The following IGSF11 variants were observed in gnomAD, a reference collection of about 807,000 sequenced individuals.
IGSF11 encodes CXADR like 1.
Under a neutral mutation model 41.0 loss-of-function variants are expected in IGSF11, and 22 were observed. The ratio of observed to expected loss-of-function variants is 0.54; its 90% CI spans 0.38 to 0.77. The LOEUF (loss-of-function observed/expected upper bound fraction) is 0.77. Among genes scored for constraint, IGSF11 ranks in the 30% least tolerant of loss-of-function variants. The pLI, the probability that IGSF11 is intolerant of heterozygous loss-of-function variation, is 0.00. For missense variants in IGSF11, 444 were observed against 530.8 expected (o/e 0.84, Z 1.61); for synonymous variants, 219 against 201.3 (o/e 1.09, Z -0.74).
chr3:119,094,223 TAAAAAAAAAAAAA>T (rs1175348778), intron 1 of IGSF11, among the ~76,000 whole-genome samples: 3 of 35,066 alleles, frequency 8.6e-5, no homozygotes, highest in Non-Finnish European at 1.1e-4. Flanking sequence ...CATAGCGAAG[TAAAAAAAAAAAAA>T]AAAAAAAAAA....
intron 1 of IGSF11, among the ~76,000 whole-genome samples, chr3:118,955,219 TACACACACACAC>T (rs34044399): frequency 0.019 from 2,675 of 144,464 alleles, 30 homozygotes; most frequent in Middle Eastern, 0.039. Flanking sequence ...TATATGTACA[TACACACACACAC>T]ACACACACAC....
At chr3:118,913,367 C>A (rs936879190) in intron 4 of IGSF11, among the ~76,000 whole-genome samples, 1 of 152,058 alleles carries the variant, frequency 6.6e-6, no homozygotes, top group South Asian at 2.1e-4. Context: ...TTAACACATA[C>A]CTAAAATATA....
upstream of IGSF11, chr3:119,034,974 G>T: frequency 2.5e-6 from 1 of 404,604 alleles, no homozygotes; most frequent in Non-Finnish European, 3.4e-6. Context: ...CGCGGCTCCA[G>T]CGCGACGCCT....
intron 1 of IGSF11, among the ~76,000 whole-genome samples, chr3:119,004,013 G>C (rs1937195543): frequency 6.6e-6 from 1 of 151,964 alleles, no homozygotes; most frequent in Non-Finnish European, 1.5e-5. Context: ...TTTTTTTATT[G>C]ATTGGAATAG....
chr3:118,908,732 G>T (rs1939906903), intron 4 of IGSF11, among the ~76,000 whole-genome samples: 1 of 152,126 alleles, frequency 6.6e-6, no homozygotes, highest in Non-Finnish European at 1.5e-5. Flanking sequence ...GGCACAGAAG[G>T]CCCTTCTGAA....
At chr3:118,952,462 G>T (rs1944645163) in intron 1 of IGSF11, among the ~76,000 whole-genome samples, 1 of 152,066 alleles carries the variant, frequency 6.6e-6, no homozygotes, top group Admixed American at 6.6e-5. Flanking sequence ...TAAATCCTTT[G>T]TTGTCAGTTC....
At chr3:119,094,070 G>A (rs960986983) in intron 1 of IGSF11, among the ~76,000 whole-genome samples, 3 of 151,206 alleles carry the variant, frequency 2.0e-5, no homozygotes, top group African/African-American at 2.4e-5. Context: ...GGTATAACAT[G>A]TAGCAGGAAT....
chr3:119,012,008 G>C (rs971430950), intron 1 of IGSF11, among the ~76,000 whole-genome samples: 15 of 151,430 alleles, frequency 9.9e-5, no homozygotes, highest in Non-Finnish European at 1.0e-4. Flanking sequence ...CTTTCCTCTA[G>C]CAATATAGTG....
chr3:119,127,618 C>A (rs1241548418), intron 1 of IGSF11, among the ~76,000 whole-genome samples: 1 of 152,010 alleles, frequency 6.6e-6, no homozygotes, highest in Non-Finnish European at 1.5e-5. Flanking sequence ...TCTCCAAAGT[C>A]GAAATGAAGG....
chr3:119,062,058 T>G (rs1942070165), intron 1 of IGSF11, among the ~76,000 whole-genome samples: 1 of 152,204 alleles, frequency 6.6e-6, no homozygotes. Context: ...AATTCCTACT[T>G]CACAGGTTAT....
intron 1 of IGSF11, among the ~76,000 whole-genome samples, chr3:118,975,910 A>G (rs113292561): frequency 0.092 from 14,024 of 152,166 alleles, 1,293 homozygotes; most frequent in African/African-American, 0.24. Context: ...CTACCTATTG[A>G]GTACTATGCT....
At chr3:119,112,066 G>T (rs1207162120) in intron 1 of IGSF11, among the ~76,000 whole-genome samples, 1 of 152,232 alleles carries the variant, frequency 6.6e-6, no homozygotes, top group Non-Finnish European at 1.5e-5. Flanking sequence ...TGAGGAGGCA[G>T]TCTGCCCATT....
intron 1 of IGSF11, among the ~76,000 whole-genome samples, chr3:119,089,014 T>G (rs2076721288): frequency 6.6e-6 from 1 of 152,128 alleles, no homozygotes; most frequent in Non-Finnish European, 1.5e-5. Flanking sequence ...AAAGAATAAC[T>G]GATACGAATT....
intron 1 of IGSF11, among the ~76,000 whole-genome samples, chr3:119,128,041 T>C (rs112050514): frequency 1.3e-4 from 20 of 152,112 alleles, no homozygotes; most frequent in African/African-American, 4.3e-4. Context: ...ATGATCAAAC[T>C]CCAAACGTAA....
chr3:119,116,335 T>A (rs1239471057), intron 1 of IGSF11, among the ~76,000 whole-genome samples: 1 of 152,172 alleles, frequency 6.6e-6, no homozygotes, highest in Non-Finnish European at 1.5e-5. Context: ...CTGGCTCCCC[T>A]GGTTCTCAGG....
intron 1 of IGSF11, among the ~76,000 whole-genome samples, chr3:119,082,002 C>T (rs776129861): frequency 3.3e-5 from 5 of 152,084 alleles, no homozygotes; most frequent in African/African-American, 4.8e-5. Flanking sequence ...AATTATAAAG[C>T]CTGACCTTCT....
chr3:119,014,084 G>A (rs1938421898), intron 1 of IGSF11, among the ~76,000 whole-genome samples: 2 of 152,194 alleles, frequency 1.3e-5, no homozygotes. Flanking sequence ...ACATCTATTT[G>A]CACTCGTTAG....
intron 1 of IGSF11, among the ~76,000 whole-genome samples, chr3:119,142,815 G>C (rs2077667374): frequency 6.6e-6 from 1 of 151,958 alleles, no homozygotes. Flanking sequence ...ACTTTCAAAA[G>C]AGAAAGACAT....
chr3:118,970,885 G>GA (rs879453285), intron 1 of IGSF11, among the ~76,000 whole-genome samples: 112 of 148,912 alleles, frequency 7.5e-4, no homozygotes, highest in Middle Eastern at 3.5e-3. Flanking sequence ...TTAATTATTT[G>GA]AAAAAAAAAA....
Sources: allele counts gnomAD v4.1 joint callset (sites outside exome capture counted in the v4.1 genomes callset), GRCh38; gene constraint gnomAD v4.1.1; transcripts MANE v1.5; gene names NCBI Gene and HGNC (gene_info 2026-07-23, HGNC 2026-07-21).